SRGAP1: variants seen among roughly 807,000 people sequenced by gnomAD.
SRGAP1 encodes SLIT-ROBO Rho GTPase-activating protein 1.
SRGAP1 carries 43 observed loss-of-function variants against 121.9 expected under a neutral mutation model. The ratio of observed to expected loss-of-function variants is 0.35; its 90% confidence interval spans 0.28 to 0.46. The LOEUF is 0.46. SRGAP1 is among the 20% of genes least tolerant of loss of function. The pLI, the probability that SRGAP1 is intolerant of heterozygous loss-of-function variation, is 1.00. For synonymous variants in SRGAP1, 447 were observed against 485.4 expected, an observed-to-expected ratio of 0.92 and a Z score of 1.04; for missense variants, 1,102 against 1,350.9, an observed-to-expected ratio of 0.82 and a Z score of 2.89.
intron 1 of SRGAP1, among the ~76,000 whole-genome samples, chr12:63,900,872 A>G (rs888888183): frequency 6.6e-6 from 1 of 152,200 alleles, no homozygotes; most frequent in African/African-American, 2.4e-5. Flanking sequence ...ACCTAAGTAA[A>G]AAAACAATGT....
At chr12:64,105,600 G>A (rs113524912) in intron 15 of SRGAP1, among the ~76,000 whole-genome samples, 1,972 of 152,144 alleles carry the variant, frequency 0.013, 41 homozygotes, top group African/African-American at 0.044. Flanking sequence ...CCTGGACAAC[G>A]TGGCAAAATC....
At chr12:64,139,533 T>C (rs2136651780) in intron 21 of SRGAP1, among the ~76,000 whole-genome samples, 1 of 152,272 alleles carries the variant, frequency 6.6e-6, no homozygotes, top group South Asian at 2.1e-4. Flanking sequence ...GCTGCATAAA[T>C]GTCTTCTTTT....
intron 1 of SRGAP1, among the ~76,000 whole-genome samples, chr12:63,881,416 TTGG>T (rs1380417570): frequency 1.3e-5 from 2 of 152,230 alleles, no homozygotes; most frequent in Non-Finnish European, 2.9e-5. Flanking sequence ...GACTGGGTTT[TTGG>T]TGGTTACTCA....
chr12:63,866,660 A>G (rs1026326096), intron 1 of SRGAP1, among the ~76,000 whole-genome samples: 3 of 151,974 alleles, frequency 2.0e-5, no homozygotes, highest in Non-Finnish European at 4.4e-5. Context: ...TATATTTATA[A>G]TAGTTAATCT....
chr12:63,890,491 G>A (rs1201435535), intron 1 of SRGAP1, among the ~76,000 whole-genome samples: 1 of 152,212 alleles, frequency 6.6e-6, no homozygotes, highest in Non-Finnish European at 1.5e-5. Context: ...GTTTTGTTGT[G>A]GGAAGCTAGA....
At chr12:64,016,161 TC>T (rs1285607385) in intron 3 of SRGAP1, among the ~76,000 whole-genome samples, 2 of 152,092 alleles carry the variant, frequency 1.3e-5, no homozygotes, top group Non-Finnish European at 2.9e-5. Context: ...GAAAGTGCTT[TC>T]TTGCCAGGCT....
intron 18 of SRGAP1, among the ~76,000 whole-genome samples, chr12:64,117,601 C>A (rs955009949): frequency 7.0e-4 from 106 of 152,042 alleles, no homozygotes; most frequent in African/African-American, 2.5e-3. Flanking sequence ...ATAAATAATT[C>A]TCCTATATTC....
chr12:63,904,231 T>C (rs1228403686), intron 1 of SRGAP1, among the ~76,000 whole-genome samples: 2 of 152,188 alleles, frequency 1.3e-5, no homozygotes, highest in African/African-American at 4.8e-5. Flanking sequence ...ATGCCCACCT[T>C]CTAAAGACTA....
In SRGAP1 at chr12:64,097,334, T is replaced by C; in HGVS notation, c.1772T>C (p.Leu591Pro). ...TATTTCCGTGGGCTGGAAAACCCCC[T>C]CTTTCCTAAGGAAAGATTTAACGAT... is the stretch of plus-strand genomic sequence containing the variant. Reference protein sequence around the residue: ...KLYFRGLENPLFPKERFNDLI... With the variant: ...KLYFRGLENPPFPKERFNDLI... The change falls in exon 15 of 22, where the codon CTC becomes CCC. Residue 591 changes from leucine (L) to proline (P), a missense_variant. Coordinates refer to ENST00000355086, the MANE Select transcript of SRGAP1 (RefSeq NM_020762.4). 14 of 1,612,578 alleles carry C rather than the reference T, an allele frequency of 8.7e-6. No individual in the cohort carries two copies. Among genetic ancestry groups the C allele is most frequent in the Middle Eastern group, 1.7e-4 (1 of 6,052 alleles).
At chr12:63,899,284 A>G (rs959132453) in intron 1 of SRGAP1, among the ~76,000 whole-genome samples, 1 of 152,002 alleles carries the variant, frequency 6.6e-6, no homozygotes, top group African/African-American at 2.4e-5. Context: ...CCAAAGGCAG[A>G]GGTAGGAGTG....
At chr12:63,858,048 CCTT>C in intron 1 of SRGAP1, among the ~76,000 whole-genome samples, 1 of 152,118 alleles carries the variant, frequency 6.6e-6, no homozygotes. Flanking sequence ...TTGAATGTTA[CCTT>C]CTTTTTCTTT....
chr12:63,861,949 C>T (rs775027799), intron 1 of SRGAP1, among the ~76,000 whole-genome samples: 11 of 152,186 alleles, frequency 7.2e-5, no homozygotes, highest in African/African-American at 9.6e-5. Flanking sequence ...TGGTAAACCC[C>T]GTCTCTGCTA....
chr12:64,135,041 A>C (rs957901017), intron 21 of SRGAP1, among the ~76,000 whole-genome samples: 1 of 152,206 alleles, frequency 6.6e-6, no homozygotes, highest in Non-Finnish European at 1.5e-5. Context: ...TGCCTCAGGC[A>C]GCACAGGGTT....
intron 18 of SRGAP1, among the ~76,000 whole-genome samples, chr12:64,119,517 CCA>C (rs1317740261): frequency 6.6e-6 from 1 of 152,104 alleles, no homozygotes; most frequent in African/African-American, 2.4e-5. Context: ...GAACATATTT[CCA>C]GTTATTTAAT....
At chr12:63,933,978 G>A (rs1456441518) in intron 1 of SRGAP1, among the ~76,000 whole-genome samples, 4 of 152,092 alleles carry the variant, frequency 2.6e-5, no homozygotes, top group African/African-American at 9.7e-5. Flanking sequence ...ATGTGGGAAG[G>A]CACCCAAGGA....
chr12:64,025,190 T>G (rs576339270), intron 4 of SRGAP1, among the ~76,000 whole-genome samples: 1 of 150,346 alleles, frequency 6.7e-6, no homozygotes, highest in Admixed American at 6.6e-5. Context: ...TTAGAGGGAA[T>G]GAAAAGATGC....
chr12:63,864,975 G>A (rs1202206630), intron 1 of SRGAP1, among the ~76,000 whole-genome samples: 1 of 152,000 alleles, frequency 6.6e-6, no homozygotes, highest in Non-Finnish European at 1.5e-5. Context: ...GCAGAAAATG[G>A]AAGTTCTCCC....
rs1593108807 is a variant in SRGAP1, at chr12:64,080,629, T to G, written c.1408+259T>G. On this transcript the variant is annotated intron_variant, in intron 10 of 21. Transcript: ENST00000355086. ...AATACCGAGCTCCTAGGGAGGGATCTTCAGAGTGTGGTGCTCCTGATCGTA... is the reference window on the plus strand; with the variant it reads ...AATACCGAGCTCCTAGGGAGGGATCGTCAGAGTGTGGTGCTCCTGATCGTA... 9.5e-6 allele frequency: 5 copies of G among 527,558 alleles called. No individual in the cohort carries two copies. The East Asian group carries it at 1.8e-4, about 19-fold the overall frequency. The allele number at this position is 527,558 out of a possible 1,614,324, so 32.7% of individuals were successfully genotyped here.
At chr12:64,116,551 C>T (rs1414387877) in intron 18 of SRGAP1, among the ~76,000 whole-genome samples, 1 of 152,000 alleles carries the variant, frequency 6.6e-6, no homozygotes, top group East Asian at 1.9e-4. Context: ...TATTATGTTC[C>T]TGATGTTCAT....
Sources: gnomAD v4.1 joint callset for allele counts (sites outside exome capture counted in the v4.1 genomes callset) on GRCh38, gnomAD v4.1.1 for gene constraint, MANE v1.5 for transcripts, NCBI Gene and HGNC (gene_info 2026-07-23, HGNC 2026-07-21) for gene names.